CXADR: variants seen among roughly 807,000 people sequenced by gnomAD.
CXADR encodes the protein coxsackievirus and adenovirus receptor.
A neutral mutation model predicts 40.3 loss-of-function variants in CXADR; 20 were observed. The ratio of observed to expected loss-of-function variants is 0.50; its 90% CI spans 0.35 to 0.72. The LOEUF (loss-of-function observed/expected upper bound fraction) is 0.72, where lower values mean the gene tolerates loss of function less well. CXADR is among the 30% of genes least tolerant of loss of function. The pLI is 0.01. For synonymous variants in CXADR, 150 were observed against 161.3 expected (o/e 0.93, Z 0.53); for missense variants, 332 against 449.1 (o/e 0.74, Z 2.36).
intron 1 of CXADR, among the ~76,000 whole-genome samples, chr21:17,533,473 T>C (rs1248812245): frequency 6.6e-6 from 1 of 152,246 alleles, no homozygotes; most frequent in South Asian, 2.1e-4. Flanking sequence ...GATTGACTTC[T>C]ACATACAGAG....
downstream of CXADR, among the ~76,000 whole-genome samples, chr21:17,597,836 T>C (rs1213391063): frequency 6.6e-6 from 1 of 152,190 alleles, no homozygotes; most frequent in African/African-American, 2.4e-5. Flanking sequence ...TCCAATATTC[T>C]GCTTCTTACT....
chr21:17,540,688 T>A (rs976485012), intron 1 of CXADR, among the ~76,000 whole-genome samples: 7 of 152,216 alleles, frequency 4.6e-5, no homozygotes, highest in African/African-American at 1.7e-4. Flanking sequence ...GTAATATCCT[T>A]GTACATATGA....
At chr21:17,597,271 A>G (rs2061516007), downstream of CXADR, among the ~76,000 whole-genome samples, 1 of 152,114 alleles carries the variant, frequency 6.6e-6, no homozygotes, top group Non-Finnish European at 1.5e-5. Context: ...ATTTAATTTG[A>G]GACTTACATT....
chr21:17,550,613 A>G (rs2824350), intron 2 of CXADR, among the ~76,000 whole-genome samples: 27,289 of 152,174 alleles, frequency 0.18, 2,622 homozygotes, highest in East Asian at 0.24. Context: ...TCTTTGGCCC[A>G]TGGGTCTCGT....
At chr21:17,535,383 GT>G (rs2060742207) in intron 1 of CXADR, among the ~76,000 whole-genome samples, 2 of 151,624 alleles carry the variant, frequency 1.3e-5, no homozygotes, top group African/African-American at 4.8e-5. Context: ...TTTTTTGTAG[GT>G]ATGAATTCTC....
At chr21:17,561,172 C>G (rs1295248810) in intron 5 of CXADR, among the ~76,000 whole-genome samples, 166 bp from the exon 6 acceptor site, 1 of 152,032 alleles carries the variant, frequency 6.6e-6, no homozygotes, top group African/African-American at 2.4e-5. Context: ...TTATACAGTT[C>G]AGAAGACAGT....
At chr21:17,531,288 G>C (rs1179859684) in intron 1 of CXADR, among the ~76,000 whole-genome samples, 1 of 146,162 alleles carries the variant, frequency 6.8e-6, no homozygotes, top group African/African-American at 2.6e-5. Context: ...GACGGAACGA[G>C]ACTCTGTCTC....
intron 1 of CXADR, among the ~76,000 whole-genome samples, chr21:17,523,503 C>T (rs982664066): frequency 2.8e-4 from 43 of 152,230 alleles, no homozygotes; most frequent in African/African-American, 9.6e-4. Context: ...TACTTGCAGC[C>T]AGTTCTCTCC....
At chr21:17,593,130 A>G in intron 7 of CXADR, 1 of 1,399,124 alleles carries the variant, frequency 7.1e-7, no homozygotes, top group Non-Finnish European at 9.4e-7. Context: ...TTATAGAGAT[A>G]TCTCTTTTTT....
chr21:17,624,755 C>T, the CXADR span, among the ~76,000 whole-genome samples: 2 of 152,160 alleles, frequency 1.3e-5, no homozygotes, highest in African/African-American at 4.8e-5. Flanking sequence ...CACTATCTGC[C>T]TACCATATGG....
At chr21:17,521,788 C>T (rs1768148282) in intron 1 of CXADR, among the ~76,000 whole-genome samples, 1 of 152,198 alleles carries the variant, frequency 6.6e-6, no homozygotes, top group African/African-American at 2.4e-5. Context: ...GATAAAGACT[C>T]TTTTAACTTC....
At chr21:17,632,958 C>T in the CXADR span, among the ~76,000 whole-genome samples, 1 of 152,074 alleles carries the variant, frequency 6.6e-6, no homozygotes, top group South Asian at 2.1e-4. Context: ...TCACAGTGTT[C>T]CCAAGGTTTA....
At chr21:17,556,946 A>G (rs1490593387) in intron 3 of CXADR, among the ~76,000 whole-genome samples, 1 of 152,222 alleles carries the variant, frequency 6.6e-6, no homozygotes, top group Non-Finnish European at 1.5e-5. Context: ...TTACAGTGTT[A>G]AAATATGTAC....
intron 1 of CXADR, chr21:17,543,085 CA>C (rs924513881): frequency 2.7e-5 from 9 of 338,324 alleles, no homozygotes; most frequent in East Asian, 9.6e-5. Flanking sequence ...AAACAAAAAA[CA>C]AAAAAATCTA....
the CXADR span, chr21:17,612,689 G>C: frequency 6.5e-6 from 1 of 152,854 alleles, no homozygotes; most frequent in Non-Finnish European, 1.5e-5. Flanking sequence ...CCCCGGCCCG[G>C]TCTCCTCACC....
chr21:17,519,138 A>G (rs1201360073), intron 1 of CXADR: 5 of 672,984 alleles, frequency 7.4e-6, no homozygotes, highest in Non-Finnish European at 1.3e-5. Flanking sequence ...CTCCAAGGCA[A>G]GCCTCCCTAC....
Position 17,569,119 on chromosome 21 carries a change from G to T in CXADR, c.*3427G>T, listed in dbSNP as rs963366590. 2 of 985,264 alleles carry T rather than the reference G, an allele frequency of 2.0e-6. No individual in the cohort carries two copies. The highest frequency in any genetic ancestry group is 6.2e-5 in the Admixed American group (1 of 16,246). The allele number at this position is 985,264 out of a possible 1,614,324, so 61.0% of individuals were successfully genotyped here. On this transcript the variant is annotated 3_prime_UTR_variant, in exon 7 of 7. Coordinates refer to ENST00000284878, the MANE Select transcript of CXADR (RefSeq NM_001338.5). ...TGACTATCAAATTCTGTGATGTGTG[G>T]CTTCTTAAAAATATTCTCAGTGTCT...
Position 17,560,825 on chromosome 21 carries a change from G to GT in CXADR, c.694+2dup, listed in dbSNP as rs750723714. The GT allele has an allele frequency of 1.2e-6, 2 of 1,612,666 alleles. No individual in the cohort carries two copies. Among genetic ancestry groups the GT allele is most frequent in the Non-Finnish European group, 1.7e-6 (2 of 1,179,410 alleles). ...CTGTTGCGTCTAAACGTTGTCCCTC[G>GT]TAAGTTATCTTCTTTCTGTTGGTGG... On this transcript the variant is annotated splice_donor_variant, in intron 5 of 6. Coordinates refer to ENST00000284878, the MANE Select transcript of CXADR (RefSeq NM_001338.5). LOFTEE classifies it high-confidence loss of function.
intron 1 of CXADR, among the ~76,000 whole-genome samples, chr21:17,528,618 G>A (rs1305684626): frequency 6.7e-6 from 1 of 149,678 alleles, no homozygotes; most frequent in African/African-American, 2.5e-5. Flanking sequence ...ATGTTGGTCA[G>A]GCTGGTCTTG....
Sources: gnomAD v4.1 joint callset for allele counts (sites outside exome capture counted in the v4.1 genomes callset) on GRCh38, gnomAD v4.1.1 for gene constraint, MANE v1.5 for transcripts, NCBI Gene and HGNC (gene_info 2026-07-23, HGNC 2026-07-21) for gene names.